Variants in CD163L1 observed in about 807,000 individuals in gnomAD.
CD163L1 encodes CD163 molecule like 1, also known as scavenger receptor cysteine-rich type 1 protein M160.
CD163L1 carries 124 observed loss-of-function variants against 165.4 expected under a neutral mutation model. The ratio of observed to expected loss-of-function variants is 0.75; its 90% confidence interval spans 0.65 to 0.87. CD163L1 has a LOEUF of 0.87. CD163L1 is among the 40% of genes least tolerant of loss of function. The pLI is 0.00. For missense variants in CD163L1, 1,525 were observed against 1,799.9 expected, an observed-to-expected ratio of 0.85 and a Z score of 2.76; for synonymous variants, 585 against 662.2, an observed-to-expected ratio of 0.88 and a Z score of 1.79.
chr12:7,417,770 T>A (rs1157862813), intron 4 of CD163L1, among the ~76,000 whole-genome samples: 2 of 152,160 alleles, frequency 1.3e-5, no homozygotes, highest in African/African-American at 4.8e-5. Flanking sequence ...GACGACTTGA[T>A]CTTGGTGGAC....
In CD163L1 at chr12:7,368,998, T is replaced by C. The variant is rs758628112; in HGVS notation, c.4040-33A>G. On this transcript the variant is annotated intron_variant, in intron 15 of 19. Transcript: ENST00000313599. This position sits in a 1 kb window ranked among gnomAD's most constrained non-coding sequence, Gnocchi z 4.3. ...AGAGAGAGAGAGAGAGAGACGTAAA[T>C]GAACGAAAAGGAACTGGGTATTTCT... 4.4e-6 allele frequency: 7 copies of C among 1,603,944 alleles called. No homozygotes were observed. Among genetic ancestry groups the C allele is most frequent in the Non-Finnish European group, 5.1e-6 (6 of 1,172,982 alleles).
In CD163L1 at chr12:7,374,027, T is replaced by G. The variant is rs1001407987; in HGVS notation, c.3410-387A>C. Among the ~76,000 whole-genome samples the G allele has an allele frequency of 1.1e-4, 16 of 152,200 alleles. No individual in the cohort carries two copies. Among genetic ancestry groups the G allele is most frequent in the African/African-American group, 3.6e-4 (15 of 41,456 alleles). On this transcript the variant is annotated intron_variant, in intron 13 of 19. Coordinates refer to ENST00000313599, the MANE Select transcript of CD163L1 (RefSeq NM_174941.6). This position sits in a 1 kb window ranked among gnomAD's most constrained non-coding sequence, Gnocchi z 5.4. The stretch of plus-strand genomic sequence containing the variant: ...CTTCTGGTCAGGTTAGTAAAGACCC[T>G]TCCTCATCCCTCTTTCCTCTTACCA...
intron 2 of CD163L1, 97 bp from the exon 3 acceptor site, chr12:7,433,791 T>C: frequency 1.1e-6 from 1 of 931,002 alleles, no homozygotes; most frequent in Non-Finnish European, 1.6e-6. Context: ...TTAGTTTAAA[T>C]GTTGTTATTA....
At chr12:7,410,816 C>T (rs1339314810) in intron 4 of CD163L1, among the ~76,000 whole-genome samples, 6 of 150,638 alleles carry the variant, frequency 4.0e-5, no homozygotes, top group Admixed American at 1.3e-4. Flanking sequence ...GGCGACAGAG[C>T]GAGACTCTGT....
At chr12:7,401,562 A>G (rs1189048702) in intron 6 of CD163L1, among the ~76,000 whole-genome samples, 3 of 152,158 alleles carry the variant, frequency 2.0e-5, no homozygotes, top group Non-Finnish European at 4.4e-5. Context: ...TCATATTTTT[A>G]ACAGCAAAAA....
chr12:7,396,210 A>G lies in CD163L1; in HGVS notation c.1935T>C (p.Ile645=). The G allele has an allele frequency of 6.2e-7, 1 of 1,614,148 alleles. No individual in the cohort carries two copies. Among genetic ancestry groups the G allele is most frequent in the Non-Finnish European group, 8.5e-7 (1 of 1,180,026 alleles). The change falls in exon 8 of 20, where the codon ATT becomes ATC. Residue 645 remains isoleucine (I), a synonymous_variant. Transcript: ENST00000313599. ...CATCACAGGAAACATCATCGAGCCA[A>G]ATTTTTCCATATCCTGTAGAAGCGT... is the stretch of plus-strand genomic sequence containing the variant. ...LGNASTGYGK[I]WLDDVSCDGD... is the part of the protein sequence containing the mutation.
At chr12:7,404,783 C>T (rs774586095) in intron 5 of CD163L1, among the ~76,000 whole-genome samples, 3 of 152,250 alleles carry the variant, frequency 2.0e-5, no homozygotes, top group Admixed American at 6.5e-5. Flanking sequence ...TGATAGTTCT[C>T]AACCTATACC....
the CD163L1 span, among the ~76,000 whole-genome samples, chr12:7,319,364 G>A: frequency 4.6e-5 from 7 of 152,226 alleles, no homozygotes; most frequent in East Asian, 1.4e-3. Context: ...GGCTGAAGCA[G>A]GTGGATCACG....
chr12:7,323,531 C>T, the CD163L1 span: 63 of 1,613,590 alleles, frequency 3.9e-5, no homozygotes, highest in East Asian at 3.8e-4. Context: ...CAAACCTACA[C>T]GGCCCTTCTG....
At chr12:7,322,424 A>G in the CD163L1 span, 1 of 1,613,732 alleles carries the variant, frequency 6.2e-7, no homozygotes, top group Non-Finnish European at 8.5e-7. Context: ...CCAGATATAA[A>G]TTCAAGAGTC....
chr12:7,421,484 C>CATATATGT (rs1948403721), intron 4 of CD163L1, among the ~76,000 whole-genome samples: 5 of 100,352 alleles, frequency 5.0e-5, no homozygotes, highest in Admixed American at 2.3e-4. Context: ...CATATATGTA[C>CATATATGT]ATATATACAT....
At chr12:7,379,427 C>A in intron 8 of CD163L1, 129 bp from the exon 9 acceptor site, 1 of 822,462 alleles carries the variant, frequency 1.2e-6, no homozygotes, top group Non-Finnish European at 1.8e-6. Flanking sequence ...CCCGGCTTCA[C>A]CAGTGTTTAA....
chr12:7,371,536 A>G (rs1021297103), intron 14 of CD163L1, among the ~76,000 whole-genome samples: 6 of 152,146 alleles, frequency 3.9e-5, no homozygotes, highest in Admixed American at 6.5e-5. Flanking sequence ...ATAGATGCAA[A>G]TTTTTAATAT....
chr12:7,367,178 G>T, intron 18 of CD163L1, 58 bp downstream of exon 18: 1 of 995,150 alleles, frequency 1.0e-6, no homozygotes, highest in Non-Finnish European at 1.5e-6. Context: ...AAATATCAGC[G>T]GTATTTCCTC....
At chr12:7,424,074 T>C (rs144514831) in intron 4 of CD163L1, among the ~76,000 whole-genome samples, 15,529 of 151,940 alleles carry the variant, frequency 0.1, 1,409 homozygotes, top group African/African-American at 0.23. Context: ...AATGCAAAAA[T>C]CCTCAATAAA....
chr12:7,350,062 C>T (rs1323991011), downstream of CD163L1, among the ~76,000 whole-genome samples: 1 of 152,078 alleles, frequency 6.6e-6, no homozygotes, highest in African/African-American at 2.4e-5. Flanking sequence ...AGAGTTTATG[C>T]CAAAATATGA....
chr12:7,332,584 C>T, the CD163L1 span, among the ~76,000 whole-genome samples: 1 of 152,254 alleles, frequency 6.6e-6, no homozygotes, highest in Non-Finnish European at 1.5e-5. Flanking sequence ...CAGCTGATCT[C>T]TCAGCAGAAA....
rs772696487 is a variant in CD163L1 at position 7,374,898 on chromosome 12, T to C, written c.3027A>G (p.Pro1009=). Residue 1009 remains proline (P), a synonymous_variant, in exon 12 of 20, where the codon CCA becomes CCG. Transcript: ENST00000313599. This position sits in a 1 kb window ranked among gnomAD's most constrained non-coding sequence, Gnocchi z 5.4. The part of the protein sequence containing the change: ...CTGSLTQPLF[P]CLANVSDPYL... ...ATGGGTCAGATACATTTGCGAGGCATGGAAACAGTGGCTGGGTCAGGCTTC... is the reference window on the plus strand; with the variant it reads ...ATGGGTCAGATACATTTGCGAGGCACGGAAACAGTGGCTGGGTCAGGCTTC... 6.2e-7 allele frequency: 1 copy of C among 1,613,866 alleles called. No homozygotes were observed. Among genetic ancestry groups the C allele is most frequent in the Non-Finnish European group, 8.5e-7 (1 of 1,179,946 alleles).
At chr12:7,358,473 T>C (rs1191368792) in intron 18 of CD163L1, among the ~76,000 whole-genome samples, 3 of 152,070 alleles carry the variant, frequency 2.0e-5, no homozygotes, top group Non-Finnish European at 2.9e-5. Flanking sequence ...ATGGTTAAAA[T>C]TGCACACCAA....
Sources: gnomAD v4.1 joint callset for allele counts (sites outside exome capture counted in the v4.1 genomes callset) on GRCh38, gnomAD v4.1.1 for gene constraint, Gnocchi (gnomAD v3.1) non-coding constraint, MANE v1.5 for transcripts, NCBI Gene and HGNC (gene_info 2026-07-23, HGNC 2026-07-21) for gene names.